Variants in RSRP1 observed in about 807,000 individuals in gnomAD.
The protein encoded by RSRP1 is arginine/serine-rich protein 1.
A neutral mutation model predicts 33.0 loss-of-function variants in RSRP1; 37 were observed. That is an observed-to-expected ratio of 1.12 (90% CI 0.86 to 1.48). RSRP1 has a LOEUF of 1.48. RSRP1 is among the 40% of genes most tolerant of loss of function. The pLI is 0.00. For synonymous variants in RSRP1, 167 were observed against 158.7 expected, an observed-to-expected ratio of 1.05 and a Z score of -0.40; for missense variants, 402 against 385.3, an observed-to-expected ratio of 1.04 and a Z score of -0.36.
intron 1 of RSRP1, chr1:25,330,124 C>T (rs552394749): frequency 7.5e-6 from 1 of 132,512 alleles, no homozygotes; most frequent in South Asian, 2.3e-4. Flanking sequence ...AAGGCTGATA[C>T]GACAGCTCTC....
rs560109704 is a variant in RSRP1, at chr1:25,315,198, T to C, written c.-67+22780A>G. 2.3e-5 allele frequency among the ~76,000 whole-genome samples: 3 copies of C among 130,188 alleles called. No homozygotes were observed. In the East Asian group the frequency reaches 5.9e-4, roughly 26 times the overall value. The allele number at this position is 130,188 out of a possible 152,430, so 85.4% of individuals were successfully genotyped here. A position where few individuals can be genotyped will look rare whatever the true frequency, so the allele number is the denominator to read the frequency against. On this transcript the variant is annotated intron_variant, in intron 1 of 1. Coordinates refer to the RSRP1 transcript ENST00000561867. ...CAAGGTCATGCATATGTCCCCCTGATTTTTTTCCTAAAAATCACTTATTAT... is the reference window on the plus strand; with the variant it reads ...CAAGGTCATGCATATGTCCCCCTGACTTTTTTCCTAAAAATCACTTATTAT...
In RSRP1 at chr1:25,314,075, C is replaced by T. The variant is rs542278028; in HGVS notation, c.-67+23903G>A. 6.0e-5 allele frequency among the ~76,000 whole-genome samples: 8 copies of T among 132,674 alleles called. No homozygotes were observed. In the South Asian group the frequency reaches 1.1e-3, roughly 19 times the overall value. The allele number at this position is 132,674 out of a possible 152,430, so 87.0% of individuals were successfully genotyped here. A position where few individuals can be genotyped will look rare whatever the true frequency, so the allele number is the denominator to read the frequency against. Reference sequence around the variant, plus strand: ...CTAGCACTTTTATTTTTGGAGCACACGAATGCACTTCTGTTGATTATATGC... The same window carrying T: ...CTAGCACTTTTATTTTTGGAGCACATGAATGCACTTCTGTTGATTATATGC... On this transcript the variant is annotated intron_variant, in intron 1 of 1. Coordinates refer to the RSRP1 transcript ENST00000561867.
chr1:25,246,866 C>G lies in RSRP1; in HGVS notation c.98G>C (p.Arg33Pro). 1 of 1,610,722 alleles carries G rather than the reference C, an allele frequency of 6.2e-7. No homozygotes were observed. The highest frequency in any genetic ancestry group is 8.5e-7 in the Non-Finnish European group (1 of 1,178,018). The change falls in exon 2 of 5, where the codon CGG (arginine) becomes CCG (proline). Residue 33 changes from arginine (R) to proline (P), a missense_variant. Physicochemically the swap from Arg to Pro is moderately radical, Grantham distance 103. Transcript: ENST00000243189. Reference sequence around the variant, plus strand: ...TCTGGAAAAAGAGCGGCTCCTAGACCGCGACGACAGCCGGCTGGACCCGCC... The same window carrying G: ...TCTGGAAAAAGAGCGGCTCCTAGACGGCGACGACAGCCGGCTGGACCCGCC... ...RSGGSSRLSS[R>P]SRSRSFSRSS...
rs372627176 is a variant in RSRP1 at position 25,290,744 on chromosome 1, G to A, written c.-66-43715C>T. ...GTTGGTGGTGATGGTGCTGGTGGAG[G>A]TGACAGCTTTAGGCAACCTGAGGAT... On this transcript the variant is annotated intron_variant, in intron 1 of 1. Coordinates refer to the RSRP1 transcript ENST00000561867. The A allele has an allele frequency of 5.8e-6, 8 of 1,377,866 alleles. 1 individual carries two copies. The highest frequency in any genetic ancestry group is 1.2e-5 in the South Asian group (1 of 84,682). 85.4% of individuals were successfully genotyped at this position (1,377,866 alleles called of 1,614,324 possible).
In RSRP1 at chr1:25,333,202, C is replaced by G. The variant is rs1291676827; in HGVS notation, c.-67+4776G>C. Among the ~76,000 whole-genome samples the G allele has an allele frequency of 3.0e-5, 4 of 132,360 alleles. 1 individual carries two copies. Among genetic ancestry groups the G allele is most frequent in the African/African-American group, 1.0e-4 (4 of 38,626 alleles). 86.8% of individuals were successfully genotyped at this position (132,360 alleles called of 152,430 possible). A position where few individuals can be genotyped will look rare whatever the true frequency, so the allele number is the denominator to read the frequency against. On this transcript the variant is annotated intron_variant, in intron 1 of 1. Coordinates refer to the RSRP1 transcript ENST00000561867. ...GCGGATGGTTCCCTCTTAGCCCATT[C>G]AGTCATATATCAATCTCTTCTGGAA...
intron 3 of RSRP1, 139 bp from the exon 4 acceptor site, chr1:25,243,772 G>A (rs942180174): frequency 1.1e-4 from 160 of 1,412,920 alleles, no homozygotes; most frequent in Non-Finnish European, 1.4e-4. Context: ...CTAAGTAACA[G>A]AACTATTGAG....
intron 1 of RSRP1, among the ~76,000 whole-genome samples, chr1:25,286,685 C>T (rs1250621242): frequency 7.5e-6 from 1 of 133,980 alleles, no homozygotes; most frequent in Non-Finnish European, 1.8e-5. Flanking sequence ...ACTCGGGAGG[C>T]TGAGGCAGGA....
chr1:25,305,208 C>A (rs1385955534), intron 1 of RSRP1, among the ~76,000 whole-genome samples: 1 of 129,664 alleles, frequency 7.7e-6, no homozygotes, highest in African/African-American at 2.7e-5. Flanking sequence ...GTATTCCAGG[C>A]AGAAGGCACA....
At chr1:25,313,980 T>C (rs576327771) in intron 1 of RSRP1, among the ~76,000 whole-genome samples, 2 of 133,238 alleles carry the variant, frequency 1.5e-5, no homozygotes, top group East Asian at 3.9e-4. Flanking sequence ...TTATCCATTA[T>C]TGAGGAGGAT....
chr1:25,249,983 G>C (rs757635802), upstream of RSRP1, among the ~76,000 whole-genome samples: 2 of 152,182 alleles, frequency 1.3e-5, no homozygotes, highest in East Asian at 1.9e-4. Flanking sequence ...ACAAATTGTG[G>C]AGTCCTTTAT....
intron 1 of RSRP1, among the ~76,000 whole-genome samples, chr1:25,260,569 G>A (rs1256166889): frequency 4.6e-5 from 7 of 152,184 alleles, no homozygotes; most frequent in Non-Finnish European, 1.0e-4. Flanking sequence ...AAATCCTTAA[G>A]TGTTGTATTA....
intron 1 of RSRP1, among the ~76,000 whole-genome samples, chr1:25,261,426 A>G (rs982557885): frequency 1.2e-4 from 17 of 145,686 alleles, no homozygotes; most frequent in Admixed American, 1.2e-3. Context: ...TTTTTTTGAG[A>G]CAGAGTCTCA....
intron 1 of RSRP1, among the ~76,000 whole-genome samples, chr1:25,290,297 A>C (rs1642375040): frequency 8.0e-6 from 1 of 124,840 alleles, no homozygotes; most frequent in African/African-American, 2.8e-5. Flanking sequence ...GCAGAATCCC[A>C]GTTATCAGAT....
chr1:25,258,007 C>T (rs750981540), intron 1 of RSRP1, among the ~76,000 whole-genome samples: 1 of 152,082 alleles, frequency 6.6e-6, no homozygotes, highest in Non-Finnish European at 1.5e-5. Context: ...TAATCTATTT[C>T]CTAAAAGCTG....
chr1:25,243,891 G>A (rs1639119337), intron 3 of RSRP1: 1 of 1,207,448 alleles, frequency 8.3e-7, no homozygotes, highest in Non-Finnish European at 1.0e-6. Context: ...AGTTTTCTCA[G>A]GTTGAATCAA....
Position 25,303,435 on chromosome 1 carries a change from C to T in RSRP1, c.-67+34543G>A, listed in dbSNP as rs148569980. The T allele has an allele frequency of 4.4e-6, 6 of 1,378,646 alleles. 1 individual carries two copies. The highest frequency in any genetic ancestry group is 4.5e-5 in the East Asian group (2 of 44,650). 85.4% of individuals were successfully genotyped at this position (1,378,646 alleles called of 1,614,324 possible). A position where few individuals can be genotyped will look rare whatever the true frequency, so the allele number is the denominator to read the frequency against. On this transcript the variant is annotated intron_variant, in intron 1 of 1. Transcript: ENST00000561867. ...TGGGTCTTGTGGCTGGGCTGATCTC[C>T]GTCGGGGGAGCCAAGTACCTGCCGG...
At chr1:25,259,222 T>C (rs947125856) in intron 1 of RSRP1, among the ~76,000 whole-genome samples, 3 of 151,990 alleles carry the variant, frequency 2.0e-5, no homozygotes, top group African/African-American at 7.3e-5. Context: ...GCCTCCGAAG[T>C]AGCTGGGAAT....
intron 1 of RSRP1, among the ~76,000 whole-genome samples, chr1:25,276,473 G>A (rs1195200169): frequency 1.0e-4 from 11 of 109,896 alleles, no homozygotes; most frequent in African/African-American, 3.7e-4. Context: ...GGGGAGGATC[G>A]CTTAAACCAA....
rs1396174508 is a variant in RSRP1 at position 25,307,582 on chromosome 1, C to A, written c.-67+30396G>T. 6 of 713,608 alleles carry A rather than the reference C, an allele frequency of 8.4e-6. 1 individual carries two copies. The highest frequency in any genetic ancestry group is 1.4e-5 in the Non-Finnish European group (6 of 420,932). The allele number at this position is 713,608 out of a possible 1,614,324, so 44.2% of individuals were successfully genotyped here. A position where few individuals can be genotyped will look rare whatever the true frequency, so the allele number is the denominator to read the frequency against. On this transcript the variant is annotated intron_variant, in intron 1 of 1. Coordinates refer to the RSRP1 transcript ENST00000561867. ...TATGCATTATCTCCTTGAATTCTCACAACCGCCTACTGAGGTATTCTCAGA... is the reference window on the plus strand; with the variant it reads ...TATGCATTATCTCCTTGAATTCTCAAAACCGCCTACTGAGGTATTCTCAGA...
Sources: gnomAD v4.1 joint callset for allele counts (sites outside exome capture counted in the v4.1 genomes callset) on GRCh38, gnomAD v4.1.1 for gene constraint, MANE v1.5 for transcripts, NCBI Gene and HGNC (gene_info 2026-07-23, HGNC 2026-07-21) for gene names.